Variants in CPNE4 observed in about 807,000 individuals in gnomAD.
The protein encoded by CPNE4 is copine-4.
A neutral mutation model predicts 67.9 loss-of-function variants in CPNE4; 25 were observed. That is an observed-to-expected ratio of 0.37 (90% CI 0.27 to 0.51). The LOEUF (loss-of-function observed/expected upper bound fraction) is 0.51, where lower values mean the gene tolerates loss of function less well. Ranked by LOEUF, CPNE4 falls within the 20% of genes least tolerant of loss-of-function variation. The pLI, the probability that CPNE4 is intolerant of heterozygous loss-of-function variation, is 0.93. For synonymous variants in CPNE4, 242 were observed against 244.9 expected (o/e 0.99, Z 0.11); for missense variants, 464 against 690.8 (o/e 0.67, Z 3.68).
chr3:131,870,029 C>T (rs1396072596), intron 2 of CPNE4, among the ~76,000 whole-genome samples: 1 of 152,046 alleles, frequency 6.6e-6, no homozygotes, highest in Non-Finnish European at 1.5e-5. Flanking sequence ...GGAAGAGCAA[C>T]ATTTTGTTGT....
intron 1 of CPNE4, among the ~76,000 whole-genome samples, chr3:131,916,269 A>G (rs369769881): frequency 2.0e-4 from 30 of 151,930 alleles, no homozygotes; most frequent in African/African-American, 6.8e-4. Context: ...TAATAAAATC[A>G]TAGTTTGGAT....
chr3:131,958,825 A>G (rs1335796868), intron 1 of CPNE4, among the ~76,000 whole-genome samples: 4 of 150,440 alleles, frequency 2.7e-5, no homozygotes, highest in Non-Finnish European at 5.9e-5. Context: ...CGCCCAGCTA[A>G]TTTTTTGTAT....
chr3:131,754,894 A>G (rs2082716745), intron 2 of CPNE4, among the ~76,000 whole-genome samples: 1 of 152,172 alleles, frequency 6.6e-6, no homozygotes, highest in African/African-American at 2.4e-5. Flanking sequence ...TATGTTTTCA[A>G]TGTTAAGTTA....
At chr3:131,839,795 G>C (rs1307485366) in intron 2 of CPNE4, among the ~76,000 whole-genome samples, 1 of 152,142 alleles carries the variant, frequency 6.6e-6, no homozygotes, top group Non-Finnish European at 1.5e-5. Flanking sequence ...CCTAGTTATT[G>C]TGTTGCCACT....
chr3:131,905,721 A>G (rs1435855324), intron 1 of CPNE4, among the ~76,000 whole-genome samples: 1 of 152,176 alleles, frequency 6.6e-6, no homozygotes, highest in Non-Finnish European at 1.5e-5. Flanking sequence ...AGCCTGTGAA[A>G]TAAAATTAAT....
At chr3:131,977,307 T>C (rs1042118457) in intron 1 of CPNE4, among the ~76,000 whole-genome samples, 4 of 152,120 alleles carry the variant, frequency 2.6e-5, no homozygotes, top group African/African-American at 7.2e-5. Flanking sequence ...TACCACATAG[T>C]TGATGATTAG....
chr3:131,732,747 G>T (rs2082156961), intron 2 of CPNE4, among the ~76,000 whole-genome samples: 1 of 152,160 alleles, frequency 6.6e-6, no homozygotes, highest in Admixed American at 6.5e-5. Flanking sequence ...CTGGAACTTT[G>T]ATTGATTCCT....
At chr3:131,567,390 C>T (rs1313798477) in intron 10 of CPNE4, among the ~76,000 whole-genome samples, 1 of 151,702 alleles carries the variant, frequency 6.6e-6, no homozygotes, top group Non-Finnish European at 1.5e-5. Flanking sequence ...TAGATTGTGG[C>T]AACAATATAT....
chr3:131,911,386 G>A (rs924116429), intron 1 of CPNE4, among the ~76,000 whole-genome samples: 1 of 152,112 alleles, frequency 6.6e-6, no homozygotes, highest in African/African-American at 2.4e-5. Flanking sequence ...TGTGATACTT[G>A]GAGACAGTGA....
At chr3:131,968,539 C>G (rs2072418600) in intron 1 of CPNE4, among the ~76,000 whole-genome samples, 1 of 152,108 alleles carries the variant, frequency 6.6e-6, no homozygotes, top group African/African-American at 2.4e-5. Context: ...CGAAAGTGGG[C>G]AAAGGATATG....
chr3:131,792,081 A>G (rs1413715290), intron 2 of CPNE4, among the ~76,000 whole-genome samples: 3 of 152,154 alleles, frequency 2.0e-5, no homozygotes, highest in African/African-American at 7.2e-5. Flanking sequence ...GGGAAGAGAC[A>G]TGAGGCAGGA....
intron 2 of CPNE4, among the ~76,000 whole-genome samples, chr3:131,869,267 C>T (rs1331376594): frequency 6.6e-6 from 1 of 152,012 alleles, no homozygotes; most frequent in Non-Finnish European, 1.5e-5. Context: ...TGAGTGAGCC[C>T]CCAGACTCCA....
At chr3:131,596,232 T>C (rs1480114668) in intron 7 of CPNE4, among the ~76,000 whole-genome samples, 2 of 152,176 alleles carry the variant, frequency 1.3e-5, no homozygotes, top group African/African-American at 4.8e-5. Flanking sequence ...TGTGATGGTA[T>C]CACAGGTGTC....
At position 131,984,521 on chromosome 3, in the gene CPNE4, T is replaced by C. The variant is rs532441390; in HGVS notation, c.-2+50046A>G. Among the ~76,000 whole-genome samples the C allele has an allele frequency of 1.7e-3, 255 of 152,300 alleles. 1 individual carries two copies. Among genetic ancestry groups the C allele is most frequent in the Non-Finnish European group, 2.8e-3 (188 of 68,028 alleles). ...AAAGTAGTTGATGTGTAAACAAGCT[T>C]CTGGCATGAAAACCCTCCCATATAT... On this transcript the variant is annotated intron_variant, in intron 1 of 15. Coordinates refer to ENST00000429747, the MANE Select transcript of CPNE4 (RefSeq NM_130808.3).
At chr3:131,946,960 G>A in intron 1 of CPNE4, among the ~76,000 whole-genome samples, 1 of 152,146 alleles carries the variant, frequency 6.6e-6, no homozygotes, top group East Asian at 1.9e-4. Flanking sequence ...GAAGAGTCTA[G>A]TCTTTCTCCC....
intron 2 of CPNE4, among the ~76,000 whole-genome samples, chr3:131,801,074 C>T (rs1276821046): frequency 2.6e-5 from 4 of 151,886 alleles, no homozygotes; most frequent in Non-Finnish European, 5.9e-5. Context: ...AGTAAGTATC[C>T]AGAACCCTGG....
At chr3:132,015,067 C>T (rs1437896982) in intron 1 of CPNE4, among the ~76,000 whole-genome samples, 1 of 152,112 alleles carries the variant, frequency 6.6e-6, no homozygotes, top group African/African-American at 2.4e-5. Flanking sequence ...CTTTGCCTAA[C>T]ATATTTTTAT....
At position 131,536,235 on chromosome 3, in the gene CPNE4, C is replaced by CATG. The variant is rs576452297; in HGVS notation, c.1540-909_1540-907dup. On this transcript the variant is annotated intron_variant, in intron 15 of 15. Transcript: ENST00000429747. ...TTCTATCAGCCTTATGGATCTACTGCATGATTTTGGGGTAGGGGCACAGGA... is the reference window on the plus strand; with the variant it reads ...TTCTATCAGCCTTATGGATCTACTGCATGATGATTTTGGGGTAGGGGCACAGGA... Among the ~76,000 whole-genome samples, 118 of 152,196 alleles carry CATG rather than the reference C, an allele frequency of 7.8e-4. 1 individual carries two copies. The highest frequency in any genetic ancestry group is 2.7e-3 in the African/African-American group (113 of 41,536).
intron 2 of CPNE4, among the ~76,000 whole-genome samples, chr3:131,877,511 G>T (rs2087506716): frequency 6.6e-6 from 1 of 152,124 alleles, no homozygotes; most frequent in Non-Finnish European, 1.5e-5. Flanking sequence ...AGCGGGTACA[G>T]GGATGCAATG....
Sources: allele counts gnomAD v4.1 joint callset (sites outside exome capture counted in the v4.1 genomes callset), GRCh38; gene constraint gnomAD v4.1.1; transcripts MANE v1.5; gene names NCBI Gene and HGNC (gene_info 2026-07-23, HGNC 2026-07-21).